USP26: variants seen among roughly 807,000 people sequenced by gnomAD.
USP26 encodes ubiquitin carboxyl-terminal hydrolase 26.
For missense variants in USP26, 649 were observed against 642.3 expected, an observed-to-expected ratio of 1.01 and a Z score of -0.11; for synonymous variants, 236 against 240.6, an observed-to-expected ratio of 0.98 and a Z score of 0.18.
rs377252398 is a variant in USP26 at position 133,082,637 on chromosome X, C to T, written c.-77+1070G>A. Among the ~76,000 whole-genome samples the T allele has an allele frequency of 2.7e-5, 3 of 111,657 alleles. No homozygotes were observed. The East Asian group carries it at 8.5e-4, about 32-fold the overall frequency. On this transcript the variant is annotated intron_variant, in intron 5 of 5. Coordinates refer to ENST00000511190, the MANE Select transcript of USP26 (RefSeq NM_031907.3). ...GATAGAAATTAAAACAAAACACAAA[C>T]CTCTAGCTCCTAACTGGTTTGTATA... is the stretch of plus-strand genomic sequence containing the variant.
At chrX:133,033,715 C>A (rs191265729) in intron 5 of USP26, among the ~76,000 whole-genome samples, 2 of 111,888 alleles carry the variant, frequency 1.8e-5, no homozygotes, top group East Asian at 5.6e-4. Flanking sequence ...TTTTGCAGCC[C>A]TTTCTGCTAA....
At position 133,071,496 on chromosome X, in the gene USP26, T is replaced by C. The variant is rs1250159858; in HGVS notation, c.-77+12211A>G. Among the ~76,000 whole-genome samples, 3 of 109,684 alleles carry C rather than the reference T, an allele frequency of 2.7e-5. No individual in the cohort carries two copies. In the Admixed American group the frequency reaches 2.9e-4, roughly 11 times the overall value. On this transcript the variant is annotated intron_variant, in intron 5 of 5. Coordinates refer to ENST00000511190, the MANE Select transcript of USP26 (RefSeq NM_031907.3). ...CCCACCTCTTACAGTCCAGAAACAGTAACTCAACTCATTAAATATTAGGTT... is the reference window on the plus strand; with the variant it reads ...CCCACCTCTTACAGTCCAGAAACAGCAACTCAACTCATTAAATATTAGGTT...
intron 5 of USP26, among the ~76,000 whole-genome samples, chrX:133,047,447 T>A (rs7055493): frequency 0.37 from 41,439 of 111,471 alleles, 6,491 homozygotes; most frequent in Middle Eastern, 0.52. Flanking sequence ...CAACACAGTT[T>A]AGTTTCTTCA....
Position 133,096,212 on chromosome X carries a change from T to G in USP26, c.-393+818A>C, listed in dbSNP as rs771009441. On this transcript the variant is annotated intron_variant, in intron 1 of 5. Transcript: ENST00000511190. ...TAGAGAGGCAGAGCATCCATATTGTTTGTAAAACATCAACTGCAATTAAGA... is the reference window on the plus strand; with the variant it reads ...TAGAGAGGCAGAGCATCCATATTGTGTGTAAAACATCAACTGCAATTAAGA... Among the ~76,000 whole-genome samples, 5 of 108,755 alleles carry G rather than the reference T, an allele frequency of 4.6e-5. No individual in the cohort carries two copies. In the South Asian group the frequency reaches 2.0e-3, roughly 45 times the overall value. 94.4% of individuals were successfully genotyped at this position (108,755 alleles called of 115,157 possible).
At chrX:133,054,000 A>G (rs1259826368) in intron 5 of USP26, among the ~76,000 whole-genome samples, 1 of 111,916 alleles carries the variant, frequency 8.9e-6, no homozygotes, top group Non-Finnish European at 1.9e-5. Flanking sequence ...AGAAAGTACA[A>G]GGAGTTGTGC....
intron 5 of USP26, among the ~76,000 whole-genome samples, chrX:133,042,201 T>G (rs1445699450): frequency 2.7e-5 from 3 of 111,129 alleles, no homozygotes; most frequent in Non-Finnish European, 5.7e-5. Flanking sequence ...TTCAGCCCCC[T>G]TTCCAAGGGA....
At chrX:133,086,428 T>C (rs1443193870) in intron 4 of USP26, among the ~76,000 whole-genome samples, 1 of 110,963 alleles carries the variant, frequency 9.0e-6, no homozygotes, top group Non-Finnish European at 1.9e-5. Flanking sequence ...GGCAACGTGG[T>C]GAGACCTTGT....
chrX:133,026,363 C>G lies in USP26; in HGVS notation c.1858G>C (p.Ala620Pro), dbSNP rs773941286. ...TACTTTTGCTGCTGTCTTCTGCTTGCCCCTTTAAAGACTGTCTGGCCTTTT... is the reference window on the plus strand; with the variant it reads ...TACTTTTGCTGCTGTCTTCTGCTTGGCCCTTTAAAGACTGTCTGGCCTTTT... ...QKKGQTVFKG[A>P]SRRQQQKYLG... The change falls in exon 6 of 6, where the codon GCA becomes CCA. Residue 620 changes from alanine (A) to proline (P), a missense_variant. By Grantham distance (27) the Ala-to-Pro change is conservative. Coordinates refer to ENST00000511190, the MANE Select transcript of USP26 (RefSeq NM_031907.3). 8.3e-7 allele frequency: 1 copy of G among 1,206,027 alleles called. No homozygotes were observed. Among genetic ancestry groups the G allele is most frequent in the African/African-American group, 1.8e-5 (1 of 56,551 alleles).
chrX:133,038,498 C>T (rs2067404793), intron 5 of USP26, among the ~76,000 whole-genome samples: 1 of 111,932 alleles, frequency 8.9e-6, no homozygotes, highest in South Asian at 3.7e-4. Flanking sequence ...ACCAGTCTTG[C>T]ATCCCAGGGA....
At chrX:133,075,490 T>C (rs996064613) in intron 5 of USP26, among the ~76,000 whole-genome samples, 2 of 112,174 alleles carry the variant, frequency 1.8e-5, no homozygotes, top group African/African-American at 3.2e-5. Context: ...AGTTCTCCTA[T>C]TTCATGATGG....
At chrX:133,047,057 A>G (rs988777119) in intron 5 of USP26, among the ~76,000 whole-genome samples, 1 of 112,046 alleles carries the variant, frequency 8.9e-6, no homozygotes, top group Non-Finnish European at 1.9e-5. Context: ...GCCTTCAAAA[A>G]TAAGAGTTTA....
At chrX:133,095,831 G>A (rs183853087) in intron 1 of USP26, among the ~76,000 whole-genome samples, 162 of 110,927 alleles carry the variant, frequency 1.5e-3, no homozygotes, top group African/African-American at 4.6e-3. Flanking sequence ...TGCAACCTTC[G>A]CCTCCTGGTT....
chrX:133,082,881 G>A (rs946073594), intron 5 of USP26, among the ~76,000 whole-genome samples: 9 of 112,026 alleles, frequency 8.0e-5, no homozygotes, highest in African/African-American at 2.3e-4. Context: ...TGCACTATGA[G>A]AGAACCCCTC....
At chrX:133,033,872 A>T (rs2067386979) in intron 5 of USP26, among the ~76,000 whole-genome samples, 1 of 112,384 alleles carries the variant, frequency 8.9e-6, no homozygotes, top group Non-Finnish European at 1.9e-5. Flanking sequence ...AACAATGGCC[A>T]TGCAACGGAA....
At chrX:133,066,871 A>G (rs746782616) in intron 5 of USP26, among the ~76,000 whole-genome samples, 98 of 112,032 alleles carry the variant, frequency 8.7e-4, no homozygotes, top group Admixed American at 2.6e-3. Flanking sequence ...AGAATTGACA[A>G]ATGGGATCTA....
At chrX:133,084,008 A>G (rs2067579133) in intron 4 of USP26, among the ~76,000 whole-genome samples, 1 of 111,198 alleles carries the variant, frequency 9.0e-6, no homozygotes, top group Non-Finnish European at 1.9e-5. Context: ...GAAGAGCTCA[A>G]GCCAAAGCTC....
intron 5 of USP26, among the ~76,000 whole-genome samples, chrX:133,067,791 A>G (rs1417339582): frequency 8.9e-6 from 1 of 111,821 alleles, no homozygotes; most frequent in Non-Finnish European, 1.9e-5. Context: ...TAAAACCTAG[A>G]TGATGTGTTG....
At chrX:133,083,626 T>C (rs192265075) in intron 5 of USP26, 81 bp downstream of exon 5, 7 of 111,793 alleles carry the variant, frequency 6.3e-5, no homozygotes, top group East Asian at 2.8e-4. Context: ...AAAACCTTCA[T>C]CTGCATCCAT....
chrX:133,086,585 G>A (rs1411936577), intron 4 of USP26, among the ~76,000 whole-genome samples: 2 of 110,536 alleles, frequency 1.8e-5, no homozygotes, highest in Non-Finnish European at 3.8e-5. Flanking sequence ...ACTCCAGCCC[G>A]GGTGACACAG....
Sources: gnomAD v4.1 joint callset for allele counts (sites outside exome capture counted in the v4.1 genomes callset) on GRCh38, gnomAD v4.1.1 for gene constraint, MANE v1.5 for transcripts, NCBI Gene and HGNC (gene_info 2026-07-23, HGNC 2026-07-21) for gene names.